The following MAP3K19 variants were observed in gnomAD, a reference collection of about 807,000 sequenced individuals.
MAP3K19 encodes SPS1/STE20-related protein kinase YSK4.
MAP3K19 carries 91 observed loss-of-function variants against 114.4 expected under a neutral mutation model. That is an observed-to-expected ratio of 0.80 (90% confidence interval 0.67 to 0.95). The LOEUF (loss-of-function observed/expected upper bound fraction) is 0.95. Among genes scored for constraint, MAP3K19 ranks in the 40% least tolerant of loss-of-function variants. The pLI is 0.00. For synonymous variants in MAP3K19, 518 were observed against 530.5 expected (o/e 0.98, Z 0.32); for missense variants, 1,471 against 1,573.2 (o/e 0.94, Z 1.10).
chr2:135,013,204 CA>C (rs1252146151), intron 5 of MAP3K19, among the ~76,000 whole-genome samples: 2 of 151,652 alleles, frequency 1.3e-5, no homozygotes, highest in African/African-American at 4.8e-5. Flanking sequence ...CCTGTAACCC[CA>C]GTTACTCAGG....
intron 6 of MAP3K19, among the ~76,000 whole-genome samples, chr2:135,003,551 TG>T (rs1686600452): frequency 6.8e-6 from 1 of 148,034 alleles, no homozygotes; most frequent in African/African-American, 2.6e-5. Flanking sequence ...AGTGTTTGTT[TG>T]TTTGTTTGTT....
intron 9 of MAP3K19, among the ~76,000 whole-genome samples, chr2:134,990,924 G>T (rs1247864949): frequency 6.6e-6 from 1 of 152,168 alleles, no homozygotes. Flanking sequence ...GCCATGTGCG[G>T]TGGCTAACAT....
intron 4 of MAP3K19, among the ~76,000 whole-genome samples, chr2:135,022,090 A>G (rs1688020893): frequency 6.6e-6 from 1 of 152,190 alleles, no homozygotes; most frequent in Admixed American, 6.5e-5. Flanking sequence ...AAAAAATCAA[A>G]CAGGTAGTTT....
chr2:134,968,033 T>C (rs1311803867), intron 12 of MAP3K19, among the ~76,000 whole-genome samples: 3 of 152,052 alleles, frequency 2.0e-5, no homozygotes, highest in Admixed American at 6.5e-5. Flanking sequence ...TGTCCCTGGG[T>C]ACTTGAGATT....
rs1174171228 is a variant in MAP3K19, at chr2:134,999,292, G to A, written c.315-295C>T. ...GAGACCAAGGGCAGGCCTGGGGGAT[G>A]TACCCTTTTATCTCCACAGGTACTG... On this transcript the variant is annotated intron_variant, in intron 7 of 12. Coordinates refer to ENST00000392915, the MANE Select transcript of MAP3K19 (RefSeq NM_025052.5). This position sits in a 1 kb window ranked among gnomAD's most constrained non-coding sequence, Gnocchi z 4.1. Among the ~76,000 whole-genome samples, 1 of 152,134 alleles carries A rather than the reference G, an allele frequency of 6.6e-6. No individual in the cohort carries two copies. The highest frequency in any genetic ancestry group is 1.5e-5 in the Non-Finnish European group (1 of 68,044).
chr2:134,985,098 A>G (rs1685000641), intron 10 of MAP3K19, among the ~76,000 whole-genome samples: 1 of 152,242 alleles, frequency 6.6e-6, no homozygotes, highest in Non-Finnish European at 1.5e-5. Flanking sequence ...AGTGAAAACG[A>G]TAACAAAGAA....
intron 2 of MAP3K19, among the ~76,000 whole-genome samples, chr2:135,032,766 C>A (rs1490256237): frequency 2.1e-5 from 3 of 146,174 alleles, no homozygotes; most frequent in Non-Finnish European, 4.5e-5. Context: ...TGCAGCCTTC[C>A]GCAGTGTTTG....
chr2:134,967,128 G>A (rs895718063), intron 12 of MAP3K19, among the ~76,000 whole-genome samples: 4 of 152,146 alleles, frequency 2.6e-5, no homozygotes, highest in African/African-American at 4.8e-5. Context: ...TGCAGGATGC[G>A]CCTTGCTAAC....
At chr2:135,046,779 C>A (rs1688754980) in intron 1 of MAP3K19, among the ~76,000 whole-genome samples, 1 of 152,184 alleles carries the variant, frequency 6.6e-6, no homozygotes, top group African/African-American at 2.4e-5. Flanking sequence ...ACAGAAATCT[C>A]ATTTCATGTT....
chr2:135,036,641 G>A (rs1206688234), intron 2 of MAP3K19, among the ~76,000 whole-genome samples: 1 of 51,306 alleles, frequency 1.9e-5, no homozygotes, highest in African/African-American at 2.0e-4. Flanking sequence ...AACATTATGT[G>A]TGTGTGTGTG....
intron 1 of MAP3K19, among the ~76,000 whole-genome samples, chr2:135,042,515 A>AAG (rs1553435514): frequency 0.043 from 6,294 of 147,872 alleles, 514 homozygotes; most frequent in African/African-American, 0.15. Flanking sequence ...AAAAAAAAAA[A>AAG]AAAAGAAAAA....
chr2:134,989,356 A>G (rs889630217), intron 9 of MAP3K19, among the ~76,000 whole-genome samples: 3 of 152,208 alleles, frequency 2.0e-5, no homozygotes, highest in African/African-American at 7.2e-5. Flanking sequence ...TAATTGAGAA[A>G]TGTATGTTTA....
chr2:135,026,487 T>C (rs924590967), intron 3 of MAP3K19, among the ~76,000 whole-genome samples: 1 of 148,442 alleles, frequency 6.7e-6, no homozygotes, highest in African/African-American at 2.6e-5. Flanking sequence ...AATTTTGTTC[T>C]TGAAGCTCCC....
chr2:134,978,444 C>T (rs1254227770), intron 12 of MAP3K19, among the ~76,000 whole-genome samples: 2 of 151,942 alleles, frequency 1.3e-5, no homozygotes, highest in Non-Finnish European at 2.9e-5. Context: ...TAAGTGATCC[C>T]CCCACCTCGG....
chr2:134,974,055 G>A (rs1684061923), intron 12 of MAP3K19, among the ~76,000 whole-genome samples: 1 of 152,110 alleles, frequency 6.6e-6, no homozygotes, highest in South Asian at 2.1e-4. Context: ...AGGCTAGAGT[G>A]CAAAGGCACA....
intron 1 of MAP3K19, among the ~76,000 whole-genome samples, chr2:135,045,865 C>T (rs1376160287): frequency 2.0e-5 from 3 of 152,018 alleles, no homozygotes; most frequent in Non-Finnish European, 2.9e-5. Flanking sequence ...GGAATGAGCA[C>T]ATAGCATTAT....
chr2:134,979,340 A>G (rs1684456230), intron 12 of MAP3K19, among the ~76,000 whole-genome samples: 1 of 152,130 alleles, frequency 6.6e-6, no homozygotes, highest in Admixed American at 6.5e-5. Flanking sequence ...TAACCCTGTT[A>G]ATTTTTATTA....
chr2:134,968,071 A>C (rs539185747), intron 12 of MAP3K19, among the ~76,000 whole-genome samples: 76 of 152,194 alleles, frequency 5.0e-4, no homozygotes, highest in East Asian at 1.2e-3. Flanking sequence ...CCCAACGAGC[A>C]TGCTGCCTTC....
chr2:135,013,415 C>G (rs1039808969), intron 5 of MAP3K19, among the ~76,000 whole-genome samples: 6 of 152,064 alleles, frequency 3.9e-5, no homozygotes, highest in Non-Finnish European at 7.3e-5. Context: ...TAACATCGCC[C>G]TCCAGAGTGG....
Sources: gnomAD v4.1 joint callset for allele counts (sites outside exome capture counted in the v4.1 genomes callset) on GRCh38, gnomAD v4.1.1 for gene constraint, Gnocchi (gnomAD v3.1) non-coding constraint, MANE v1.5 for transcripts, NCBI Gene and HGNC (gene_info 2026-07-23, HGNC 2026-07-21) for gene names.